Variants in FMN1 observed in about 807,000 individuals in gnomAD.
The protein encoded by FMN1 is formin-1.
A neutral mutation model predicts 132.4 loss-of-function variants in FMN1; 110 were observed. That is an observed-to-expected ratio of 0.83 (90% CI 0.71 to 0.97). The LOEUF (loss-of-function observed/expected upper bound fraction) is 0.97, where lower values mean the gene tolerates loss of function less well. Ranked by LOEUF, FMN1 falls within the 50% of genes least tolerant of loss-of-function variation. The pLI is 0.00. For missense variants in FMN1, 1,792 were observed against 1,705.3 expected (o/e 1.05, Z -0.90); for synonymous variants, 722 against 651.7 (o/e 1.11, Z -1.64).
At chr15:33,022,238 T>A (rs1397461359) in intron 6 of FMN1, among the ~76,000 whole-genome samples, 2 of 152,206 alleles carry the variant, frequency 1.3e-5, no homozygotes, top group African/African-American at 2.4e-5. Context: ...AATCTGAGGC[T>A]AGTTGGATTT....
At chr15:32,836,614 T>C (rs1270095115) in intron 17 of FMN1, among the ~76,000 whole-genome samples, 5 of 152,192 alleles carry the variant, frequency 3.3e-5, no homozygotes, top group Admixed American at 2.0e-4. Context: ...TGAATGTAAA[T>C]GAATGTAAAA....
At chr15:32,873,679 GAAC>G (rs1449784542) in intron 16 of FMN1, among the ~76,000 whole-genome samples, 1 of 152,166 alleles carries the variant, frequency 6.6e-6, no homozygotes, top group Non-Finnish European at 1.5e-5. Flanking sequence ...ATGTTGAGAA[GAAC>G]AAGACGGCTG....
chr15:33,145,977 AT>A lies in FMN1; in HGVS notation c.1867+7070del, dbSNP rs113506987. On this transcript the variant is annotated intron_variant, in intron 4 of 20. Coordinates refer to ENST00000616417, the MANE Select transcript of FMN1 (RefSeq NM_001277313.2). ...TGTGAATAAAACCGTATTACCATGA[AT>A]TTTTTTTTTTTTTTTGAAATGGAGT... Among the ~76,000 whole-genome samples, 557 of 142,846 alleles carry A rather than the reference AT, an allele frequency of 3.9e-3. 5 individuals carry two copies. The highest frequency in any genetic ancestry group is 7.3e-3 in the Middle Eastern group (2 of 274). The allele number at this position is 142,846 out of a possible 152,430, so 93.7% of individuals were successfully genotyped here.
At chr15:32,975,769 C>A (rs897282087) in intron 7 of FMN1, among the ~76,000 whole-genome samples, 1 of 152,230 alleles carries the variant, frequency 6.6e-6, no homozygotes, top group Non-Finnish European at 1.5e-5. Flanking sequence ...ATAAACCACC[C>A]GGTAGAAATG....
intron 5 of FMN1, among the ~76,000 whole-genome samples, chr15:33,073,623 A>C (rs2038082692): frequency 6.6e-6 from 1 of 152,200 alleles, no homozygotes; most frequent in Non-Finnish European, 1.5e-5. Flanking sequence ...AATGTCTGTA[A>C]AATGAGGGGT....
intron 17 of FMN1, among the ~76,000 whole-genome samples, chr15:32,829,393 T>C (rs2058448092): frequency 6.6e-6 from 1 of 152,194 alleles, no homozygotes; most frequent in African/African-American, 2.4e-5. Flanking sequence ...GCTGCTAGTG[T>C]TTCTAGCTGG....
In FMN1 at chr15:32,992,954, A is replaced by C. The variant is rs1458550545; in HGVS notation, c.2223+15060T>G. On this transcript the variant is annotated intron_variant, in intron 7 of 20. Coordinates refer to ENST00000616417, the MANE Select transcript of FMN1 (RefSeq NM_001277313.2). The stretch of plus-strand genomic sequence containing the variant: ...ACTTTATTTTTCATGGATTGCCTGA[A>C]AGATGAAACATTTCTCGCCAAGATT... Among the ~76,000 whole-genome samples the C allele has an allele frequency of 2.0e-5, 3 of 152,218 alleles. No individual in the cohort carries two copies. The East Asian group carries it at 5.8e-4, about 29-fold the overall frequency.
intron 6 of FMN1, among the ~76,000 whole-genome samples, chr15:33,026,448 A>T (rs1045183361): frequency 6.7e-6 from 1 of 148,872 alleles, no homozygotes; most frequent in African/African-American, 2.5e-5. Flanking sequence ...ACTTCTGTTT[A>T]TAAGACTAGG....
chr15:33,128,548 A>T (rs1028637616), intron 4 of FMN1, among the ~76,000 whole-genome samples: 1 of 152,212 alleles, frequency 6.6e-6, no homozygotes, highest in South Asian at 2.1e-4. Flanking sequence ...GTAAACACAT[A>T]CCGAGTCCGG....
At chr15:33,038,132 G>A (rs1164548127) in intron 6 of FMN1, among the ~76,000 whole-genome samples, 1 of 152,210 alleles carries the variant, frequency 6.6e-6, no homozygotes, top group Non-Finnish European at 1.5e-5. Flanking sequence ...GGAGGCTGAG[G>A]CAGGAGAATC....
chr15:33,150,571 A>G, intron 4 of FMN1: 1 of 985,468 alleles, frequency 1.0e-6, no homozygotes, highest in Non-Finnish European at 1.2e-6. Context: ...TACATCCTGC[A>G]TGAATGGTAA....
At chr15:33,118,522 G>A (rs887339033) in intron 4 of FMN1, among the ~76,000 whole-genome samples, 2 of 152,040 alleles carry the variant, frequency 1.3e-5, no homozygotes, top group African/African-American at 4.8e-5. Flanking sequence ...ATTTTTCCTA[G>A]GTAATTTTTC....
intron 4 of FMN1, among the ~76,000 whole-genome samples, chr15:33,128,821 C>A (rs60132240): frequency 0.032 from 4,826 of 152,254 alleles, 258 homozygotes; most frequent in African/African-American, 0.11. Flanking sequence ...AGCAAAATAA[C>A]AAAGCCTCCG....
intron 9 of FMN1, among the ~76,000 whole-genome samples, chr15:32,938,030 G>C (rs564176271): frequency 3.0e-4 from 45 of 152,146 alleles, no homozygotes; most frequent in African/African-American, 1.0e-3. Flanking sequence ...GAATGTATTG[G>C]AAGTAGACAG....
chr15:32,810,650 G>C (rs538114689), intron 17 of FMN1, among the ~76,000 whole-genome samples: 2 of 152,250 alleles, frequency 1.3e-5, no homozygotes, highest in South Asian at 4.1e-4. Context: ...TTCTCAAGAG[G>C]GTGGCATTCA....
intron 17 of FMN1, among the ~76,000 whole-genome samples, chr15:32,812,015 TAAACAAAC>T (rs71424675): frequency 0.031 from 4,642 of 150,434 alleles, 69 homozygotes; most frequent in Middle Eastern, 0.055. Flanking sequence ...TTATGGACAC[TAAACAAAC>T]AAACAAACAA....
At chr15:32,947,682 G>A (rs1416432927) in intron 9 of FMN1, among the ~76,000 whole-genome samples, 1 of 151,896 alleles carries the variant, frequency 6.6e-6, no homozygotes, top group Non-Finnish European at 1.5e-5. Context: ...CTATTTTAAT[G>A]CTTTCAATAA....
chr15:32,837,595 C>G (rs2058656652), intron 17 of FMN1, among the ~76,000 whole-genome samples: 1 of 151,996 alleles, frequency 6.6e-6, no homozygotes, highest in South Asian at 2.1e-4. Flanking sequence ...TGAGGAATGC[C>G]CATGAAGTAG....
At chr15:32,833,835 A>G (rs1294462472) in intron 17 of FMN1, among the ~76,000 whole-genome samples, 2 of 152,208 alleles carry the variant, frequency 1.3e-5, no homozygotes, top group Non-Finnish European at 2.9e-5. Context: ...AACTTCTGGA[A>G]TCAATAGGGC....
Sources: allele counts gnomAD v4.1 joint callset (sites outside exome capture counted in the v4.1 genomes callset), GRCh38; gene constraint gnomAD v4.1.1; transcripts MANE v1.5; gene names NCBI Gene and HGNC (gene_info 2026-07-23, HGNC 2026-07-21).